The following CCSER2 variants were observed in gnomAD, a reference collection of about 807,000 sequenced individuals.
The protein encoded by CCSER2 is serine-rich coiled-coil domain-containing protein 2.
CCSER2 carries 46 observed loss-of-function variants against 92.3 expected under a neutral mutation model. The observed-to-expected ratio is 0.50, with a 90% confidence interval of 0.39 to 0.64. The LOEUF is 0.64. CCSER2 is among the 30% of genes least tolerant of loss of function. The pLI is 0.00. For synonymous variants in CCSER2, 433 were observed against 431.4 expected, an observed-to-expected ratio of 1.00 and a Z score of -0.04; for missense variants, 1,244 against 1,238.9, an observed-to-expected ratio of 1.00 and a Z score of -0.06.
chr10:84,361,089 G>A (rs1845477242), intron 1 of CCSER2, among the ~76,000 whole-genome samples: 1 of 152,172 alleles, frequency 6.6e-6, no homozygotes, highest in Non-Finnish European at 1.5e-5. Context: ...TTGTTCCAGT[G>A]CAGGCTTTCA....
intron 9 of CCSER2, among the ~76,000 whole-genome samples, chr10:84,496,795 T>C (rs900913956): frequency 6.6e-6 from 1 of 152,154 alleles, no homozygotes; most frequent in Non-Finnish European, 1.5e-5. Flanking sequence ...CATTTTAGGA[T>C]ACATTAGGCA....
intron 6 of CCSER2, among the ~76,000 whole-genome samples, chr10:84,457,126 G>A (rs1204988053): frequency 1.4e-5 from 2 of 143,476 alleles, no homozygotes; most frequent in African/African-American, 5.2e-5. Flanking sequence ...ACTTTAAAAA[G>A]GCTTTCTATG....
intron 8 of CCSER2, among the ~76,000 whole-genome samples, chr10:84,473,609 CAA>C (rs1846949954): frequency 6.6e-6 from 1 of 151,976 alleles, no homozygotes; most frequent in Admixed American, 6.6e-5. Context: ...TTGTTCAAAC[CAA>C]GAGAGTTTTA....
intron 3 of CCSER2, among the ~76,000 whole-genome samples, chr10:84,380,272 T>C (rs1172448506): frequency 6.6e-6 from 1 of 152,176 alleles, no homozygotes; most frequent in African/African-American, 2.4e-5. Context: ...TTACTGGCAG[T>C]TTTGTTTCCT....
chr10:84,456,084 A>AGTCGG, intron 6 of CCSER2: 1 of 402,006 alleles, frequency 2.5e-6, no homozygotes. Flanking sequence ...CAAAGACCCG[A>AGTCGG]GCTGCAGCCA....
At position 84,328,613 on chromosome 10, in the gene CCSER2, G is replaced by A. The variant is rs1329782859; in HGVS notation, c.-235G>A. ...CGGAGTCCGGGCGGGCGCCGGCCGA[G>A]GGAGGGGGCGCGGCGGCTTTGGAGT... On this transcript the variant is annotated 5_prime_UTR_variant, in exon 1 of 10. Transcript: ENST00000372088. 1 of 150,378 alleles carries A rather than the reference G, an allele frequency of 6.6e-6. No individual in the cohort carries two copies. Among genetic ancestry groups the A allele is most frequent in the Non-Finnish European group, 1.5e-5 (1 of 67,488 alleles). The allele number at this position is 150,378 out of a possible 1,614,324, so 9.3% of individuals were successfully genotyped here.
At chr10:84,350,197 T>A (rs921490740) in intron 1 of CCSER2, among the ~76,000 whole-genome samples, 1 of 152,122 alleles carries the variant, frequency 6.6e-6, no homozygotes, top group Non-Finnish European at 1.5e-5. Flanking sequence ...CGCATCACGC[T>A]CGTTTATACA....
intron 3 of CCSER2, among the ~76,000 whole-genome samples, chr10:84,411,808 C>T (rs1038572535): frequency 6.6e-6 from 1 of 152,316 alleles, no homozygotes; most frequent in Admixed American, 6.5e-5. Flanking sequence ...ATTTCTTTCT[C>T]TTGACTGATT....
chr10:84,355,384 G>C (rs1029497076), intron 1 of CCSER2, among the ~76,000 whole-genome samples: 1 of 152,148 alleles, frequency 6.6e-6, no homozygotes, highest in South Asian at 2.1e-4. Flanking sequence ...CTCTTAGGCT[G>C]TATTGTTTTT....
At chr10:84,472,236 T>C (rs564977492) in intron 8 of CCSER2, among the ~76,000 whole-genome samples, 5 of 151,984 alleles carry the variant, frequency 3.3e-5, no homozygotes, top group Non-Finnish European at 1.5e-5. Flanking sequence ...ATAAAAAAAA[T>C]TTAGCTAAAG....
chr10:84,357,235 CA>C (rs1845222469), intron 1 of CCSER2, among the ~76,000 whole-genome samples: 2 of 110,354 alleles, frequency 1.8e-5, no homozygotes, highest in South Asian at 5.9e-4. Context: ...GCATTTCAGA[CA>C]CAAGACTATA....
chr10:84,427,093 C>T (rs1843475809), intron 5 of CCSER2, among the ~76,000 whole-genome samples: 1 of 152,118 alleles, frequency 6.6e-6, no homozygotes. Context: ...TCACAAATCC[C>T]TTCTACTTAG....
At chr10:84,408,454 T>C (rs1842479318) in intron 3 of CCSER2, among the ~76,000 whole-genome samples, 1 of 152,152 alleles carries the variant, frequency 6.6e-6, no homozygotes, top group Non-Finnish European at 1.5e-5. Flanking sequence ...CCTTCCTTCC[T>C]TCTTTCCTTC....
At chr10:84,382,719 C>A (rs1325249774) in intron 3 of CCSER2, among the ~76,000 whole-genome samples, 1 of 152,086 alleles carries the variant, frequency 6.6e-6, no homozygotes, top group South Asian at 2.1e-4. Context: ...TTATAGGAGG[C>A]CCAAAGAAGT....
intron 1 of CCSER2, among the ~76,000 whole-genome samples, chr10:84,336,552 A>T (rs1564574819): frequency 6.6e-6 from 1 of 152,208 alleles, no homozygotes; most frequent in Non-Finnish European, 1.5e-5. Flanking sequence ...CTTGATGAAG[A>T]TAGAACTGGA....
chr10:84,452,228 G>T (rs552270959), intron 6 of CCSER2: 1 of 152,250 alleles, frequency 6.6e-6, no homozygotes, highest in African/African-American at 2.4e-5. Context: ...GTCATTTCAA[G>T]TATCCATGTC....
At chr10:84,440,295 C>A (rs897051780) in intron 6 of CCSER2, among the ~76,000 whole-genome samples, 8 of 152,132 alleles carry the variant, frequency 5.3e-5, no homozygotes, top group Non-Finnish European at 1.0e-4. Flanking sequence ...GTGATGACAG[C>A]AAAATTATGA....
In CCSER2 at chr10:84,514,036, AAAT is replaced by A; in HGVS notation, c.2917_2919del (p.Asn973del). On this transcript the variant is annotated inframe_deletion, in exon 10 of 10. Transcript: ENST00000372088. The stretch of plus-strand genomic sequence containing the variant: ...CAACATCTAGTCAAACAAATCTTGC[AAAT>A]AATCAGAATCTGAAAGCATCTAAGC... 3.9e-6 allele frequency: 6 copies of A among 1,536,604 alleles called. No homozygotes were observed. The highest frequency in any genetic ancestry group is 4.4e-6 in the Non-Finnish European group (5 of 1,147,028).
chr10:84,509,170 A>G (rs1849222923), intron 9 of CCSER2, among the ~76,000 whole-genome samples: 2 of 152,142 alleles, frequency 1.3e-5, no homozygotes, highest in Non-Finnish European at 2.9e-5. Flanking sequence ...TTCCTATTAG[A>G]TTATTTTTCA....
Sources: gnomAD v4.1 joint callset for allele counts (sites outside exome capture counted in the v4.1 genomes callset) on GRCh38, gnomAD v4.1.1 for gene constraint, MANE v1.5 for transcripts, NCBI Gene and HGNC (gene_info 2026-07-23, HGNC 2026-07-21) for gene names.